Variants in SPAG16 observed in about 807,000 individuals in gnomAD.
SPAG16 encodes sperm-associated antigen 16 protein.
SPAG16 carries 86 observed loss-of-function variants against 80.4 expected under a neutral mutation model. That is an observed-to-expected ratio of 1.07 (90% CI 0.90 to 1.28). The LOEUF is 1.28. Among genes scored for constraint, SPAG16 ranks in the 50% most tolerant of loss-of-function variants. The probability of loss-of-function intolerance (pLI) is 0.00; values close to 1 mark genes in which losing one functional copy is unlikely to be tolerated. For missense variants in SPAG16, 870 were observed against 765.3 expected (o/e 1.14, Z -1.61); for synonymous variants, 294 against 265.9 (o/e 1.11, Z -1.03).
chr2:213,736,360 C>T (rs568773689), intron 10 of SPAG16, among the ~76,000 whole-genome samples: 17 of 151,646 alleles, frequency 1.1e-4, no homozygotes, highest in African/African-American at 4.1e-4. Flanking sequence ...GTGGTGTGAT[C>T]TCGGCTCACT....
At chr2:213,704,108 C>T (rs1172336274) in intron 10 of SPAG16, among the ~76,000 whole-genome samples, 2 of 152,256 alleles carry the variant, frequency 1.3e-5, no homozygotes, top group East Asian at 1.9e-4. Flanking sequence ...CACTGGGCAG[C>T]CTTATCATCA....
At chr2:213,913,573 A>ATATATGTACATGTACATATATG (rs1351160597) in intron 11 of SPAG16, among the ~76,000 whole-genome samples, 301 of 127,746 alleles carry the variant, frequency 2.4e-3, no homozygotes, top group African/African-American at 8.5e-3. Context: ...GTGTGTGTAT[A>ATATATGTACATGTACATATATG]TATATGTACA....
intron 10 of SPAG16, among the ~76,000 whole-genome samples, chr2:213,801,044 A>G (rs1206488696): frequency 6.6e-6 from 1 of 152,230 alleles, no homozygotes; most frequent in East Asian, 1.9e-4. Context: ...TGCCAATACT[A>G]CAAATAATAA....
chr2:214,059,260 GTA>G (rs34712920), intron 13 of SPAG16, among the ~76,000 whole-genome samples: 27 of 132,972 alleles, frequency 2.0e-4, no homozygotes, highest in South Asian at 1.7e-3. Flanking sequence ...ATATATGTAT[GTA>G]TATATATATA....
At chr2:213,781,462 G>A (rs1460471303) in intron 10 of SPAG16, among the ~76,000 whole-genome samples, 1 of 152,052 alleles carries the variant, frequency 6.6e-6, no homozygotes, top group Non-Finnish European at 1.5e-5. Context: ...GCTTTCATGT[G>A]TAGCTCTGCT....
chr2:213,938,581 C>A (rs535216483), intron 12 of SPAG16, among the ~76,000 whole-genome samples: 193 of 151,942 alleles, frequency 1.3e-3, no homozygotes, highest in Non-Finnish European at 2.3e-3. Context: ...TGTTTTAAAA[C>A]CATTTATTTC....
intron 10 of SPAG16, among the ~76,000 whole-genome samples, chr2:213,819,402 A>G (rs2072787600): frequency 6.6e-6 from 1 of 152,198 alleles, no homozygotes; most frequent in Non-Finnish European, 1.5e-5. Context: ...CCATTTGTTA[A>G]CTTGTTTATT....
intron 2 of SPAG16, among the ~76,000 whole-genome samples, chr2:213,296,579 T>A (rs1393789518): frequency 6.6e-6 from 1 of 152,206 alleles, no homozygotes; most frequent in Non-Finnish European, 1.5e-5. Context: ...TATCATTACT[T>A]CGGACACTTG....
At chr2:213,945,927 T>C (rs11675655) in intron 12 of SPAG16, among the ~76,000 whole-genome samples, 51,871 of 152,126 alleles carry the variant, frequency 0.34, 9,332 homozygotes, top group South Asian at 0.47. Context: ...CACCTTCTTT[T>C]TAGCCCTTTG....
At chr2:213,988,802 A>G (rs1301533184) in intron 12 of SPAG16, among the ~76,000 whole-genome samples, 1 of 152,280 alleles carries the variant, frequency 6.6e-6, no homozygotes, top group East Asian at 1.9e-4. Flanking sequence ...GAAGACCTCA[A>G]AACATGAAAG....
chr2:213,583,358 A>C (rs2060357732), intron 10 of SPAG16, among the ~76,000 whole-genome samples: 1 of 152,206 alleles, frequency 6.6e-6, no homozygotes, highest in South Asian at 2.1e-4. Context: ...CAATTTTTTG[A>C]CATTGGTTGG....
intron 12 of SPAG16, among the ~76,000 whole-genome samples, chr2:213,941,386 AG>A (rs1397622152): frequency 6.6e-6 from 1 of 152,120 alleles, no homozygotes; most frequent in East Asian, 1.9e-4. Context: ...GCTATCACTG[AG>A]GTACATAAAT....
chr2:213,962,567 T>C (rs190586899), intron 12 of SPAG16, among the ~76,000 whole-genome samples: 1 of 152,116 alleles, frequency 6.6e-6, no homozygotes, highest in African/African-American at 2.4e-5. Context: ...ACAGCAAGAA[T>C]ATGGCCATCT....
intron 10 of SPAG16, among the ~76,000 whole-genome samples, chr2:213,629,014 A>G (rs1215883254): frequency 6.6e-6 from 1 of 152,204 alleles, no homozygotes; most frequent in Non-Finnish European, 1.5e-5. Context: ...TGAATGGCCT[A>G]TTACAATACA....
Position 214,013,981 on chromosome 2 carries a change from T to A in SPAG16, c.1431T>A (p.His477Gln). The A allele has an allele frequency of 2.5e-6, 4 of 1,613,584 alleles. No homozygotes were observed. The highest frequency in any genetic ancestry group is 3.4e-6 in the Non-Finnish European group (4 of 1,179,744). ...GATGCAGATGTACTTTGTATGGACA[T>A]ACAGATTCTGTGAACAGCATTGAGT... ...SERCRCTLYGHTDSVNSIEFF... is the reference protein window; with the variant it reads ...SERCRCTLYGQTDSVNSIEFF... The change falls in exon 13 of 16, where the codon CAT becomes CAA. Residue 477 changes from histidine (H) to glutamine (Q), a missense_variant. Physicochemically the swap from His to Gln is conservative, Grantham distance 24 (BLOSUM62 0). Transcript: ENST00000331683.
At chr2:214,095,922 A>G (rs2052557605) in intron 13 of SPAG16, among the ~76,000 whole-genome samples, 1 of 151,992 alleles carries the variant, frequency 6.6e-6, no homozygotes. Context: ...GGAAAATAAA[A>G]CCCTATTAAA....
intron 12 of SPAG16, among the ~76,000 whole-genome samples, chr2:213,954,866 G>A (rs2044040478): frequency 6.6e-6 from 1 of 152,166 alleles, no homozygotes; most frequent in Non-Finnish European, 1.5e-5. Flanking sequence ...CTTAGTAGCT[G>A]TGAAGTCATA....
chr2:213,976,131 TATATAC>T (rs374878411), intron 12 of SPAG16, among the ~76,000 whole-genome samples: 1,364 of 104,960 alleles, frequency 0.013, 14 homozygotes, highest in South Asian at 0.033. Flanking sequence ...TATATATATA[TATATAC>T]ACACACACAC....
rs1212123589 is a variant in SPAG16, at chr2:214,145,692, C to T, written c.1594-3448C>T. ...TCATCTCAGCTGTACCCTTTGTCCA[C>T]TTGGCTAAATTCTACTGGCATAATT... On this transcript the variant is annotated intron_variant, in intron 14 of 15. Coordinates refer to ENST00000331683, the MANE Select transcript of SPAG16 (RefSeq NM_024532.5). Among the ~76,000 whole-genome samples, 6 of 152,268 alleles carry T rather than the reference C, an allele frequency of 3.9e-5. No individual in the cohort carries two copies. In the East Asian group the frequency reaches 1.2e-3, roughly 29 times the overall value.
Sources: allele counts gnomAD v4.1 joint callset (sites outside exome capture counted in the v4.1 genomes callset), GRCh38; gene constraint gnomAD v4.1.1; transcripts MANE v1.5; gene names NCBI Gene and HGNC (gene_info 2026-07-23, HGNC 2026-07-21).